Variants in FGF2 observed in about 807,000 individuals in gnomAD.
FGF2 encodes the protein basic fibroblast growth factor bFGF.
In FGF2, 13 loss-of-function variants were observed where a neutral mutation model predicts 15.9. The observed-to-expected ratio is 0.82, with a 90% CI of 0.53 to 1.30. The LOEUF (loss-of-function observed/expected upper bound fraction) is 1.30. Ranked by LOEUF, FGF2 falls within the 50% of genes most tolerant of loss-of-function variation. FGF2 has a pLI of 0.00. For synonymous variants in FGF2, 90 were observed against 78.4 expected (o/e 1.15, Z -0.78); for missense variants, 163 against 196.9 (o/e 0.83, Z 1.03).
At chr4:122,838,494 TC>T (rs1392382690) in intron 1 of FGF2, among the ~76,000 whole-genome samples, 4 of 152,248 alleles carry the variant, frequency 2.6e-5, no homozygotes, top group Admixed American at 6.5e-5. Flanking sequence ...ATAGTTTTTT[TC>T]CTATTGGCTT....
chr4:122,834,729 G>A (rs1428235082), intron 1 of FGF2, among the ~76,000 whole-genome samples: 1 of 152,122 alleles, frequency 6.6e-6, no homozygotes, highest in African/African-American at 2.4e-5. Context: ...AATCATTTCT[G>A]GGCTTAGGCC....
intron 1 of FGF2, among the ~76,000 whole-genome samples, chr4:122,857,411 C>T (rs998385120): frequency 6.6e-6 from 1 of 152,152 alleles, no homozygotes; most frequent in East Asian, 1.9e-4. Context: ...CCCTGTATTG[C>T]GCCTGGAGCT....
intron 1 of FGF2, among the ~76,000 whole-genome samples, chr4:122,865,267 CTCTGTT>C (rs1726547719): frequency 6.8e-6 from 1 of 148,062 alleles, no homozygotes; most frequent in Non-Finnish European, 1.5e-5. Context: ...GATTTATTTT[CTCTGTT>C]TTTTTTTGTT....
chr4:122,868,374 G>A (rs545389349), intron 1 of FGF2, among the ~76,000 whole-genome samples: 3 of 152,138 alleles, frequency 2.0e-5, no homozygotes, highest in African/African-American at 4.8e-5. Flanking sequence ...TGCGGTATTT[G>A]GTTTTCTTTT....
chr4:122,867,253 T>C (rs759427004), intron 1 of FGF2, among the ~76,000 whole-genome samples: 1 of 152,266 alleles, frequency 6.6e-6, no homozygotes, highest in African/African-American at 2.4e-5. Flanking sequence ...CACATTGAAC[T>C]GTATGCATGT....
chr4:122,896,650 T>C lies in FGF2; in HGVS notation c.*4254T>C, dbSNP rs552393727. 6.6e-6 allele frequency: 1 copy of C among 152,186 alleles called. No homozygotes were observed. Among genetic ancestry groups the C allele is most frequent in the African/African-American group, 2.4e-5 (1 of 41,422 alleles). The allele number at this position is 152,186 out of a possible 1,614,324, so 9.4% of individuals were successfully genotyped here. On this transcript the variant is annotated 3_prime_UTR_variant, in exon 3 of 3. Coordinates refer to ENST00000644866, the MANE Select transcript of FGF2 (RefSeq NM_001361665.2). ...ATAAGTACCTGAAACCAAGATTGGC[T>C]AGAGATATATCTTAATGCAATCCAT...
At position 122,885,849 on chromosome 4, in the gene FGF2, A is replaced by G. The variant is rs565003180; in HGVS notation, c.283-6362A>G. On this transcript the variant is annotated intron_variant, in intron 2 of 2. Coordinates refer to ENST00000644866, the MANE Select transcript of FGF2 (RefSeq NM_001361665.2). ...TTTCCTTATTTTTGATTACTTTGAT[A>G]GTTTGAGGAGTACTGTTGAGGTATT... Among the ~76,000 whole-genome samples the G allele has an allele frequency of 7.5e-5, 11 of 146,320 alleles. No individual in the cohort carries two copies. The East Asian group carries it at 1.6e-3, about 21-fold the overall frequency.
chr4:122,830,271 T>C (rs1725734306), intron 1 of FGF2, among the ~76,000 whole-genome samples: 1 of 152,158 alleles, frequency 6.6e-6, no homozygotes, highest in Non-Finnish European at 1.5e-5. Context: ...GACTGTGATA[T>C]AAATGATGGG....
chr4:122,883,266 G>T (rs1056726753), intron 2 of FGF2: 6 of 152,080 alleles, frequency 3.9e-5, no homozygotes, highest in African/African-American at 1.4e-4. Context: ...AAACATTTTG[G>T]TTTTTAAGAG....
chr4:122,891,811 C>A lies in FGF2; in HGVS notation c.283-400C>A, dbSNP rs192768970. ...AAATGATCCCTGATTGGTAACCTAC[C>A]TTGGGACTGGGAAGAGTGTGGATGG... On this transcript the variant is annotated intron_variant, in intron 2 of 2. Coordinates refer to ENST00000644866, the MANE Select transcript of FGF2 (RefSeq NM_001361665.2). Among the ~76,000 whole-genome samples, 7 of 152,292 alleles carry A rather than the reference C, an allele frequency of 4.6e-5. No homozygotes were observed. The East Asian group carries it at 1.3e-3, about 29-fold the overall frequency.
chr4:122,847,607 A>G (rs1007438250), intron 1 of FGF2, among the ~76,000 whole-genome samples: 9 of 59,878 alleles, frequency 1.5e-4, no homozygotes, highest in African/African-American at 4.7e-4. Context: ...AGATCACTCT[A>G]TCTATCTATC....
At chr4:122,831,536 C>T (rs1725766306) in intron 1 of FGF2, among the ~76,000 whole-genome samples, 1 of 152,130 alleles carries the variant, frequency 6.6e-6, no homozygotes, top group Admixed American at 6.6e-5. Context: ...ACTTAATGAA[C>T]GTGATATTTA....
intron 1 of FGF2, among the ~76,000 whole-genome samples, chr4:122,849,452 G>A (rs920079464): frequency 2.0e-5 from 3 of 152,076 alleles, no homozygotes; most frequent in African/African-American, 7.2e-5. Flanking sequence ...GGCCTGTCAG[G>A]GGGTGGGGGG....
Position 122,897,593 on chromosome 4 carries a change from T to A in FGF2, c.*5197T>A. On this transcript the variant is annotated 3_prime_UTR_variant, in exon 3 of 3. Coordinates refer to ENST00000644866, the MANE Select transcript of FGF2 (RefSeq NM_001361665.2). ...AACACATTAATTTCCTCAACATTTT[T>A]AAGCCAATTAAAAATATAAAAGATA... is the stretch of plus-strand genomic sequence containing the variant. 8 of 1,464,272 alleles carry A rather than the reference T, an allele frequency of 5.5e-6. No individual in the cohort carries two copies. Among genetic ancestry groups the A allele is most frequent in the Non-Finnish European group, 7.7e-6 (8 of 1,044,350 alleles). 90.7% of individuals were successfully genotyped at this position (1,464,272 alleles called of 1,614,324 possible). A position where few individuals can be genotyped will look rare whatever the true frequency, so the allele number is the denominator to read the frequency against.
At chr4:122,866,325 G>A (rs527741596) in intron 1 of FGF2, among the ~76,000 whole-genome samples, 68 of 150,170 alleles carry the variant, frequency 4.5e-4, no homozygotes, top group African/African-American at 1.5e-3. Context: ...CCGAGATTGC[G>A]CCACTGCACT....
intron 1 of FGF2, among the ~76,000 whole-genome samples, chr4:122,832,537 G>A (rs1484313846): frequency 2.0e-5 from 3 of 152,172 alleles, no homozygotes; most frequent in East Asian, 1.9e-4. Context: ...GTGAGCCACC[G>A]TGCCCAGCCT....
chr4:122,860,732 A>G (rs1175694526), intron 1 of FGF2, among the ~76,000 whole-genome samples: 1 of 152,172 alleles, frequency 6.6e-6, no homozygotes, highest in Non-Finnish European at 1.5e-5. Context: ...GCTAGGCTAC[A>G]GGCGTGAGCC....
Position 122,892,712 on chromosome 4 carries a change from T to C in FGF2, c.*316T>C. The C allele has an allele frequency of 7.4e-7, 1 of 1,347,072 alleles. No homozygotes were observed. 83.4% of individuals were successfully genotyped at this position (1,347,072 alleles called of 1,614,324 possible). A position where few individuals can be genotyped will look rare whatever the true frequency, so the allele number is the denominator to read the frequency against. ...TGTGCATGTTTAGAAACAAAATTTC[T>C]TCATGGAAATCATATACATTAGAAA... On this transcript the variant is annotated 3_prime_UTR_variant, in exon 3 of 3. Coordinates refer to ENST00000644866, the MANE Select transcript of FGF2 (RefSeq NM_001361665.2).
chr4:122,882,023 T>C (rs1726969376), intron 2 of FGF2: 1 of 152,326 alleles, frequency 6.6e-6, no homozygotes, highest in Non-Finnish European at 1.5e-5. Flanking sequence ...GGGACTCTTC[T>C]TTATAAAACC....
Sources: gnomAD v4.1 joint callset for allele counts (sites outside exome capture counted in the v4.1 genomes callset) on GRCh38, gnomAD v4.1.1 for gene constraint, MANE v1.5 for transcripts, NCBI Gene and HGNC (gene_info 2026-07-23, HGNC 2026-07-21) for gene names.